Variants in NBEA observed in about 807,000 individuals in gnomAD.
NBEA encodes the protein neurobeachin, also known as lysosomal-trafficking regulator 2.
Under a neutral mutation model 343.4 loss-of-function variants are expected in NBEA, and 44 were observed. The observed-to-expected ratio is 0.13, with a 90% CI of 0.10 to 0.16. The LOEUF is 0.16. Among genes scored for constraint, NBEA ranks in the 10% least tolerant of loss-of-function variants. NBEA has a pLI of 1.00. For synonymous variants in NBEA, 1,175 were observed against 1,238.7 expected (o/e 0.95, Z 1.08); for missense variants, 2,555 against 3,631.3 (o/e 0.70, Z 7.62).
chr13:35,424,157 A>T (rs2044489591), intron 38 of NBEA, among the ~76,000 whole-genome samples: 1 of 152,076 alleles, frequency 6.6e-6, no homozygotes, highest in South Asian at 2.1e-4. Flanking sequence ...CTCCTGCCTG[A>T]TTGCCCTGGC....
chr13:35,110,997 C>G lies in NBEA; in HGVS notation c.2002+19C>G. The G allele has an allele frequency of 6.3e-7, 1 of 1,575,460 alleles. No individual in the cohort carries two copies. The highest frequency in any genetic ancestry group is 8.7e-7 in the Non-Finnish European group (1 of 1,151,298). ...GGATTAGGTATGTATACCACTTCCACTGTATTTACATTTGCCTATGATTAT... is the reference window on the plus strand; with the variant it reads ...GGATTAGGTATGTATACCACTTCCAGTGTATTTACATTTGCCTATGATTAT... On this transcript the variant is annotated intron_variant, in intron 13 of 58. Transcript: ENST00000379939.
intron 28 of NBEA, 51 bp downstream of exon 28, chr13:35,177,154 G>A (rs185888220): frequency 8.5e-5 from 115 of 1,350,036 alleles, no homozygotes; most frequent in Admixed American, 6.4e-4. Flanking sequence ...ACTGTCATTC[G>A]TATGAAATAC....
At chr13:35,466,770 T>TA (rs1007866915) in intron 40 of NBEA, among the ~76,000 whole-genome samples, 8 of 151,090 alleles carry the variant, frequency 5.3e-5, no homozygotes, top group Non-Finnish European at 7.4e-5. Context: ...TGCCCAGCCC[T>TA]AAAAAAAAAG....
chr13:35,015,316 G>A (rs1334571791), intron 1 of NBEA, among the ~76,000 whole-genome samples: 1 of 151,898 alleles, frequency 6.6e-6, no homozygotes, highest in African/African-American at 2.4e-5. Context: ...TTAATAATGA[G>A]TTATTGAGAA....
chr13:35,093,800 A>G (rs1355933438), intron 10 of NBEA, among the ~76,000 whole-genome samples: 1 of 151,966 alleles, frequency 6.6e-6, no homozygotes. Context: ...TAAAGTGACT[A>G]CAACATTTAG....
chr13:35,100,142 A>T (rs2065568292), intron 11 of NBEA, among the ~76,000 whole-genome samples: 1 of 152,060 alleles, frequency 6.6e-6, no homozygotes, highest in Non-Finnish European at 1.5e-5. Flanking sequence ...TAATGGATAA[A>T]CAAAATGTGG....
intron 47 of NBEA, among the ~76,000 whole-genome samples, 196 bp downstream of exon 47, chr13:35,593,643 G>T (rs1030684858): frequency 1.3e-5 from 2 of 152,004 alleles, no homozygotes; most frequent in South Asian, 4.1e-4. Flanking sequence ...ATATTACCCA[G>T]TGAAGGTGTT....
chr13:35,124,520 G>A (rs1381173438), intron 17 of NBEA, among the ~76,000 whole-genome samples: 5 of 140,754 alleles, frequency 3.6e-5, no homozygotes, highest in East Asian at 2.0e-4. Flanking sequence ...ACACACACAC[G>A]GATATATATA....
chr13:35,377,279 G>A (rs1290162498), intron 38 of NBEA, among the ~76,000 whole-genome samples: 1 of 152,124 alleles, frequency 6.6e-6, no homozygotes, highest in East Asian at 1.9e-4. Context: ...CACAGGGCTG[G>A]GAAGGAAGCT....
At chr13:35,143,921 C>T (rs1234086297) in intron 18 of NBEA, among the ~76,000 whole-genome samples, 1 of 148,340 alleles carries the variant, frequency 6.7e-6, no homozygotes, top group Non-Finnish European at 1.5e-5. Flanking sequence ...AAAACAAAAA[C>T]AAATTTACAC....
At chr13:35,010,507 G>A (rs1261610122) in intron 1 of NBEA, among the ~76,000 whole-genome samples, 3 of 148,606 alleles carry the variant, frequency 2.0e-5, no homozygotes, top group Admixed American at 1.3e-4. Context: ...TTTGAGCCTG[G>A]GAGATCAAGG....
intron 17 of NBEA, among the ~76,000 whole-genome samples, chr13:35,130,356 AT>A (rs1234897735): frequency 6.6e-6 from 1 of 151,990 alleles, no homozygotes; most frequent in Non-Finnish European, 1.5e-5. Context: ...ATCTCTATGT[AT>A]TTTTTTATGT....
chr13:35,615,788 G>A (rs1566413233), intron 48 of NBEA, among the ~76,000 whole-genome samples: 2 of 152,290 alleles, frequency 1.3e-5, no homozygotes, highest in Admixed American at 1.3e-4. Flanking sequence ...AAGGAAATCC[G>A]AAGCCAGCTC....
chr13:35,608,605 T>C (rs1267242310), intron 48 of NBEA, among the ~76,000 whole-genome samples: 2 of 152,188 alleles, frequency 1.3e-5, no homozygotes, highest in East Asian at 1.9e-4. Flanking sequence ...AGTGAATGAA[T>C]GAATTAATGA....
chr13:35,352,577 T>C (rs1346740815), intron 38 of NBEA, among the ~76,000 whole-genome samples: 1 of 152,174 alleles, frequency 6.6e-6, no homozygotes, highest in Non-Finnish European at 1.5e-5. Flanking sequence ...CAAAATATGG[T>C]TAGGCAAGTA....
intron 36 of NBEA, among the ~76,000 whole-genome samples, chr13:35,331,639 A>G (rs1262383594): frequency 2.0e-5 from 3 of 152,088 alleles, no homozygotes; most frequent in Non-Finnish European, 4.4e-5. Context: ...AAAGATAACA[A>G]ACTGCATAAA....
intron 47 of NBEA, among the ~76,000 whole-genome samples, chr13:35,598,142 C>T (rs925921579): frequency 1.3e-5 from 2 of 152,122 alleles, no homozygotes; most frequent in Non-Finnish European, 2.9e-5. Flanking sequence ...GACCTGGGAG[C>T]TAAAAAGACA....
intron 34 of NBEA, among the ~76,000 whole-genome samples, chr13:35,257,826 T>C (rs2032789326): frequency 1.3e-5 from 2 of 152,278 alleles, no homozygotes; most frequent in South Asian, 4.1e-4. Flanking sequence ...CAAAAATAAA[T>C]TTAATGAAGT....
chr13:35,203,955 A>T (rs2073197299), intron 31 of NBEA, among the ~76,000 whole-genome samples: 1 of 152,160 alleles, frequency 6.6e-6, no homozygotes, highest in Admixed American at 6.5e-5. Context: ...AGATTTTTTA[A>T]AAAATTCCAT....
Sources: gnomAD v4.1 joint callset for allele counts (sites outside exome capture counted in the v4.1 genomes callset) on GRCh38, gnomAD v4.1.1 for gene constraint, MANE v1.5 for transcripts, NCBI Gene and HGNC (gene_info 2026-07-23, HGNC 2026-07-21) for gene names.